PCDHGA12: variants seen among roughly 807,000 people sequenced by gnomAD.
The protein encoded by PCDHGA12 is protocadherin gamma subfamily A, 12.
In PCDHGA12, 43 loss-of-function variants were observed where a neutral mutation model predicts 61.1. The ratio of observed to expected loss-of-function variants is 0.70; its 90% confidence interval spans 0.55 to 0.91. The LOEUF is 0.91. Among genes scored for constraint, PCDHGA12 ranks in the 40% least tolerant of loss-of-function variants. The pLI is 0.00. For synonymous variants in PCDHGA12, 520 were observed against 542.9 expected, an observed-to-expected ratio of 0.96 and a Z score of 0.59; for missense variants, 1,236 against 1,227.7, an observed-to-expected ratio of 1.01 and a Z score of -0.10.
In PCDHGA12 at chr5:141,485,244, T is replaced by C; in HGVS notation, c.2425-9563T>C. ...ACCCTTTTGTTCCTCTTTTACCACC[T>C]GGGTTACGTTTGTGGGCAGATCCGC... On this transcript the variant is annotated intron_variant, in intron 1 of 3. Transcript: ENST00000252085. This position sits in a 1 kb window ranked among gnomAD's most constrained non-coding sequence, Gnocchi z 5.7. 1 of 1,614,168 alleles carries C rather than the reference T, an allele frequency of 6.2e-7. No individual in the cohort carries two copies. Among genetic ancestry groups the C allele is most frequent in the Admixed American group, 1.7e-5 (1 of 60,016 alleles).
At chr5:141,467,064 T>C (rs1289790911) in intron 1 of PCDHGA12, among the ~76,000 whole-genome samples, 2 of 151,724 alleles carry the variant, frequency 1.3e-5, no homozygotes, top group Middle Eastern at 3.2e-3. Context: ...TCTTTTTTTT[T>C]TTTTTTTAGA....
intron 1 of PCDHGA12, among the ~76,000 whole-genome samples, chr5:141,444,229 T>G (rs957213677): frequency 4.6e-5 from 6 of 130,226 alleles, no homozygotes; most frequent in Admixed American, 9.4e-5. Context: ...TGGAGTGCAA[T>G]GGCATGCTCT....
chr5:141,468,983 AATT>A (rs958294955), intron 1 of PCDHGA12, among the ~76,000 whole-genome samples: 5 of 148,376 alleles, frequency 3.4e-5, no homozygotes, highest in Admixed American at 6.8e-5. Context: ...TGACTTCCAA[AATT>A]ATTGTTTTTG....
chr5:141,476,716 C>T lies in PCDHGA12; in HGVS notation c.2425-18091C>T. On this transcript the variant is annotated intron_variant, in intron 1 of 3. Transcript: ENST00000252085. This position sits in a 1 kb window ranked among gnomAD's most constrained non-coding sequence, Gnocchi z 7.6. ...AGTACGCGGAGCTGGTGTTGGAGCG[C>T]GCCCTGGACCGAGAACGGGAGCCTA... 15 of 1,614,148 alleles carry T rather than the reference C, an allele frequency of 9.3e-6. No homozygotes were observed. The highest frequency in any genetic ancestry group is 1.3e-5 in the Non-Finnish European group (15 of 1,180,036).
chr5:141,487,826 T>C lies in PCDHGA12; in HGVS notation c.2425-6981T>C, dbSNP rs1321152837. 24 of 1,187,814 alleles carry C rather than the reference T, an allele frequency of 2.0e-5. No homozygotes were observed. The highest frequency in any genetic ancestry group is 2.8e-5 in the Non-Finnish European group (24 of 856,356). The allele number at this position is 1,187,814 out of a possible 1,614,324, so 73.6% of individuals were successfully genotyped here. On this transcript the variant is annotated intron_variant, in intron 1 of 3. Coordinates refer to ENST00000252085, the MANE Select transcript of PCDHGA12 (RefSeq NM_003735.3). The surrounding 1 kb of genome is among the most constrained non-coding windows in gnomAD (Gnocchi z 5.0). ...ACAGTTTAGCATTGGGGGCGGGTCA[T>C]GCCTATATCTGAGTAAGAAATGAAA... is the stretch of plus-strand genomic sequence containing the variant.
chr5:141,431,726 G>C lies in PCDHGA12; in HGVS notation c.967G>C (p.Asp323His). The change falls in exon 1 of 4, where the codon GAT becomes CAT. Residue 323 changes from aspartate (D) to histidine (H), a missense_variant. By Grantham distance (81) the Asp-to-His change is moderately conservative (BLOSUM62 -1). Coordinates refer to ENST00000252085, the MANE Select transcript of PCDHGA12 (RefSeq NM_003735.3). The surrounding 1 kb of genome is among the most constrained non-coding windows in gnomAD (Gnocchi z 4.8). ...CTACCAGATGGAAGTGCAAGCAATG[G>C]ATAATGCAGGATATTCTGCGCGAGC... ...GFYQMEVQAM[D>H]NAGYSARAKV... is the part of the protein sequence containing the mutation. The C allele has an allele frequency of 6.2e-7, 1 of 1,614,204 alleles. No homozygotes were observed. Among genetic ancestry groups the C allele is most frequent in the Non-Finnish European group, 8.5e-7 (1 of 1,180,032 alleles).
At chr5:141,509,117 G>A (rs1271574654) in intron 3 of PCDHGA12, among the ~76,000 whole-genome samples, 1 of 152,150 alleles carries the variant, frequency 6.6e-6, no homozygotes, top group Admixed American at 6.5e-5. Flanking sequence ...GCGCTGGTGC[G>A]TGAAGAGAAA....
At chr5:141,494,522 G>C (rs2099754911) in intron 1 of PCDHGA12, among the ~76,000 whole-genome samples, 1 of 152,196 alleles carries the variant, frequency 6.6e-6, no homozygotes, top group Non-Finnish European at 1.5e-5. Flanking sequence ...CAGGAGTTCT[G>C]ACTCTGGGGG....
Position 141,432,206 on chromosome 5 carries a change from G to T in PCDHGA12, c.1447G>T (p.Glu483Ter), listed in dbSNP as rs551220443. ...SVTAHDPDCEENAQITYSLAE... is the reference protein window; with the variant it reads ...SVTAHDPDCE ...GACCGCCCACGACCCCGACTGTGAA[G>T]AGAACGCCCAGATCACTTATTCCCT... Residue 483 changes from glutamate (E) to a stop codon, truncating the protein, a stop_gained, in exon 1 of 4, where the codon GAG (glutamate) becomes TAG (stop). Coordinates refer to ENST00000252085, the MANE Select transcript of PCDHGA12 (RefSeq NM_003735.3). LOFTEE classifies it high-confidence loss of function. The surrounding 1 kb of genome is among the most constrained non-coding windows in gnomAD (Gnocchi z 6.0). 12 of 1,614,214 alleles carry T rather than the reference G, an allele frequency of 7.4e-6. No individual in the cohort carries two copies. The Admixed American group carries it at 8.3e-5, about 11-fold the overall frequency.
At chr5:141,500,223 T>TTG (rs1227708024) in intron 2 of PCDHGA12, among the ~76,000 whole-genome samples, 1 of 145,320 alleles carries the variant, frequency 6.9e-6, no homozygotes, top group Non-Finnish European at 1.5e-5. Flanking sequence ...TTTATTTATT[T>TTG]ATTGATACGT....
At chr5:141,470,648 C>T (rs1188305813) in intron 1 of PCDHGA12, among the ~76,000 whole-genome samples, 1 of 152,066 alleles carries the variant, frequency 6.6e-6, no homozygotes, top group Non-Finnish European at 1.5e-5. Context: ...TTTGAAGGCC[C>T]CTACCCTTTG....
At chr5:141,453,379 C>T (rs980792532) in intron 1 of PCDHGA12, among the ~76,000 whole-genome samples, 1 of 152,050 alleles carries the variant, frequency 6.6e-6, no homozygotes, top group Non-Finnish European at 1.5e-5. Context: ...AGTGATCCTC[C>T]TGCCTTAGCC....
chr5:141,511,267 C>A lies in PCDHGA12; in HGVS notation c.*94C>A, dbSNP rs1223074819. The A allele has an allele frequency of 6.5e-7, 1 of 1,549,404 alleles. No individual in the cohort carries two copies. Among genetic ancestry groups the A allele is most frequent in the Non-Finnish European group, 8.7e-7 (1 of 1,146,836 alleles). Reference sequence around the variant, plus strand: ...CCAGGCCTCAGAGTTTCAGGGCTAACCCCCAGAATACTGGTAGGGGCCAAG... The same window carrying A: ...CCAGGCCTCAGAGTTTCAGGGCTAAACCCCAGAATACTGGTAGGGGCCAAG... On this transcript the variant is annotated 3_prime_UTR_variant, in exon 4 of 4. Coordinates refer to ENST00000252085, the MANE Select transcript of PCDHGA12 (RefSeq NM_003735.3).
At chr5:141,479,063 A>G (rs1476826751) in intron 1 of PCDHGA12, among the ~76,000 whole-genome samples, 1 of 152,204 alleles carries the variant, frequency 6.6e-6, no homozygotes, top group African/African-American at 2.4e-5. Context: ...ATAATTTTTT[A>G]TGAATGAAAT....
Position 141,489,829 on chromosome 5 carries a change from G to T in PCDHGA12, c.2425-4978G>T, listed in dbSNP as rs1445416879. 6.2e-7 allele frequency: 1 copy of T among 1,614,076 alleles called. No individual in the cohort carries two copies. Among genetic ancestry groups the T allele is most frequent in the South Asian group, 1.1e-5 (1 of 91,070 alleles). ...GAAGCCATTCCCAGAGCTGGTGCTA[G>T]AGCAGCAGCTGGATCGTGAAGCCCA... On this transcript the variant is annotated intron_variant, in intron 1 of 3. Coordinates refer to ENST00000252085, the MANE Select transcript of PCDHGA12 (RefSeq NM_003735.3). The surrounding 1 kb of genome is among the most constrained non-coding windows in gnomAD (Gnocchi z 4.5).
chr5:141,499,635 A>C (rs578081078), intron 2 of PCDHGA12, among the ~76,000 whole-genome samples: 16 of 152,136 alleles, frequency 1.1e-4, no homozygotes, highest in African/African-American at 3.6e-4. Context: ...CTTTTGAAGC[A>C]AATCTCAGAC....
intron 1 of PCDHGA12, among the ~76,000 whole-genome samples, chr5:141,455,570 A>T (rs181469693): frequency 2.6e-5 from 4 of 152,222 alleles, no homozygotes; most frequent in Non-Finnish European, 5.9e-5. Context: ...TGGCCCTCCC[A>T]CCCCAGCCTT....
intron 2 of PCDHGA12, among the ~76,000 whole-genome samples, chr5:141,501,290 TACACACACACACACACACACAC>T (rs55762287): frequency 1.4e-4 from 19 of 136,248 alleles, no homozygotes; most frequent in Admixed American, 1.1e-3. Context: ...TATTCCCTTA[TACACACACACACACACACACAC>T]ACACACACAC....
In PCDHGA12 at chr5:141,494,863, C is replaced by A. The variant is rs538734954; in HGVS notation, c.2481C>A (p.Ser827Arg). 17 of 1,614,118 alleles carry A rather than the reference C, an allele frequency of 1.1e-5. No individual in the cohort carries two copies. Among genetic ancestry groups the A allele is most frequent in the Non-Finnish European group, 1.4e-5 (17 of 1,179,994 alleles). Residue 827 changes from serine to arginine, a missense_variant and splice_region_variant, in exon 2 of 4, where the codon AGC becomes AGA. By Grantham distance (110) the Ser-to-Arg change is moderately radical. Transcript: ENST00000252085. ...RFSQAQRPGT[S>R]GSQNGDDTGT... ...CTCAGGCCCAGAGACCCGGCACCAG[C>A]GGGTAGGTGACTGATTCTCCAGCCC...
Sources: allele counts gnomAD v4.1 joint callset (sites outside exome capture counted in the v4.1 genomes callset), GRCh38; gene constraint gnomAD v4.1.1; non-coding constraint Gnocchi (gnomAD v3.1); transcripts MANE v1.5; gene names NCBI Gene and HGNC (gene_info 2026-07-23, HGNC 2026-07-21).